Variants in NAV3 observed in about 807,000 individuals in gnomAD.
NAV3 encodes the protein neuron navigator 3.
A neutral mutation model predicts 244.7 loss-of-function variants in NAV3; 87 were observed. The ratio of observed to expected loss-of-function variants is 0.36; its 90% CI spans 0.30 to 0.42. The LOEUF is 0.42. Ranked by LOEUF, NAV3 falls within the 20% of genes least tolerant of loss-of-function variation. The probability of loss-of-function intolerance (pLI) is 1.00; values close to 1 mark genes in which losing one functional copy is unlikely to be tolerated. For missense variants in NAV3, 2,663 were observed against 2,893.3 expected, an observed-to-expected ratio of 0.92 and a Z score of 1.83; for synonymous variants, 1,126 against 1,042.2, an observed-to-expected ratio of 1.08 and a Z score of -1.55.
chr12:77,766,735 G>GTTTTTTTTTTTTTTTT (rs748531378), intron 2 of NAV3, among the ~76,000 whole-genome samples: 15 of 60,512 alleles, frequency 2.5e-4, no homozygotes, highest in South Asian at 8.4e-4. Context: ...AGGCAATTAA[G>GTTTTTTTTTTTTTTTT]TTTTTTTTTT....
intron 1 of NAV3, among the ~76,000 whole-genome samples, chr12:77,871,240 A>C (rs1429016261): frequency 6.6e-6 from 1 of 152,206 alleles, no homozygotes; most frequent in Non-Finnish European, 1.5e-5. Flanking sequence ...TCAGCATATA[A>C]GAAGAAGAAA....
At chr12:77,946,742 A>C (rs1301193893) in intron 3 of NAV3, among the ~76,000 whole-genome samples, 5 of 152,204 alleles carry the variant, frequency 3.3e-5, no homozygotes, top group African/African-American at 9.6e-5. Flanking sequence ...AATTAAAAAT[A>C]GCAAAAATAT....
chr12:77,792,159 A>T lies in NAV3; in HGVS notation c.73-148160A>T, dbSNP rs868505909. Among the ~76,000 whole-genome samples, 3 of 152,284 alleles carry T rather than the reference A, an allele frequency of 2.0e-5. No individual in the cohort carries two copies. In the South Asian group the frequency reaches 6.2e-4, roughly 32 times the overall value. ...ATTCCTCCAAACTGTCTTTTTTAAA[A>T]AACTCTCTGGATTTTTTTAAAAAGC... is the stretch of plus-strand genomic sequence containing the variant. On this transcript the variant is annotated intron_variant, in intron 2 of 8. Coordinates refer to the NAV3 transcript ENST00000550042.
chr12:78,065,155 A>T (rs1412111060), intron 12 of NAV3, among the ~76,000 whole-genome samples: 1 of 151,902 alleles, frequency 6.6e-6, no homozygotes, highest in East Asian at 1.9e-4. Flanking sequence ...AGAGCTGGTG[A>T]TGATACCACC....
Position 77,587,444 on chromosome 12 carries a change from T to G in NAV3, c.72+15178T>G, listed in dbSNP as rs568544900. ...CAATTCATCTGTCACATATACTTAT[T>G]GTTTTCTTGCCAAATGATAAGATCC... On this transcript the variant is annotated intron_variant, in intron 2 of 8. Coordinates refer to the NAV3 transcript ENST00000550042. 9.2e-5 allele frequency among the ~76,000 whole-genome samples: 14 copies of G among 152,312 alleles called. No homozygotes were observed. The South Asian group carries it at 2.7e-3, about 29-fold the overall frequency.
intron 1 of NAV3, among the ~76,000 whole-genome samples, chr12:77,896,116 C>G (rs1438320718): frequency 6.6e-6 from 1 of 152,084 alleles, no homozygotes; most frequent in African/African-American, 2.4e-5. Flanking sequence ...ATACCACTAA[C>G]CACAATCATT....
chr12:77,716,972 T>A (rs1372625151), intron 2 of NAV3, among the ~76,000 whole-genome samples: 1 of 152,038 alleles, frequency 6.6e-6, no homozygotes, highest in African/African-American at 2.4e-5. Flanking sequence ...TAGGAGAGCA[T>A]CATGATTAAA....
intron 2 of NAV3, among the ~76,000 whole-genome samples, chr12:77,628,237 A>G (rs1415925866): frequency 6.6e-6 from 1 of 152,240 alleles, no homozygotes; most frequent in Non-Finnish European, 1.5e-5. Context: ...TATTGTATGC[A>G]GGTATTAAAA....
At chr12:77,628,758 G>A (rs1871750070) in intron 2 of NAV3, among the ~76,000 whole-genome samples, 1 of 151,794 alleles carries the variant, frequency 6.6e-6, no homozygotes, top group Non-Finnish European at 1.5e-5. Context: ...GGGCACGGTG[G>A]AGCATGCTTG....
At chr12:77,788,226 A>C (rs963653717) in intron 2 of NAV3, among the ~76,000 whole-genome samples, 11 of 152,146 alleles carry the variant, frequency 7.2e-5, no homozygotes, top group African/African-American at 2.7e-4. Context: ...TGTATACCTA[A>C]ATTTTTCTTT....
intron 1 of NAV3, among the ~76,000 whole-genome samples, chr12:77,868,767 A>AAAG (rs1555219618): frequency 1.3e-4 from 20 of 150,626 alleles, no homozygotes. Context: ...AAAAAAAAAA[A>AAAG]AAAAGAAAAA....
intron 2 of NAV3, among the ~76,000 whole-genome samples, chr12:77,781,626 C>G (rs1870665358): frequency 6.6e-6 from 1 of 152,180 alleles, no homozygotes; most frequent in Admixed American, 6.6e-5. Context: ...ACCCGACCAC[C>G]TTGGGCACAT....
chr12:77,723,151 A>G (rs780858497), intron 2 of NAV3, among the ~76,000 whole-genome samples: 1 of 152,020 alleles, frequency 6.6e-6, no homozygotes, highest in Non-Finnish European at 1.5e-5. Context: ...AAGAGAGCAC[A>G]TGCTCTCTCC....
At chr12:77,795,627 GTA>G (rs1177521432) in intron 2 of NAV3, among the ~76,000 whole-genome samples, 2 of 152,128 alleles carry the variant, frequency 1.3e-5, no homozygotes, top group Admixed American at 1.3e-4. Context: ...TTATATGGAA[GTA>G]TATGTCATCT....
intron 2 of NAV3, among the ~76,000 whole-genome samples, chr12:77,805,561 G>A (rs541373154): frequency 1.3e-4 from 20 of 152,196 alleles, no homozygotes; most frequent in Admixed American, 5.2e-4. Context: ...CTGCTGGATT[G>A]GGTTTGCCAG....
At chr12:78,120,029 T>G (rs1955602282) in intron 15 of NAV3, 84 bp downstream of exon 15, 1 of 1,005,498 alleles carries the variant, frequency 9.9e-7, no homozygotes, top group South Asian at 1.9e-5. Flanking sequence ...TGTGTGTATA[T>G]ATATATTTTA....
chr12:77,726,996 A>G (rs1876907370), intron 2 of NAV3, among the ~76,000 whole-genome samples: 1 of 151,992 alleles, frequency 6.6e-6, no homozygotes, highest in Non-Finnish European at 1.5e-5. Context: ...GAAACACAAT[A>G]TGCTTCTATT....
chr12:78,025,595 CA>C (rs1186694789), intron 9 of NAV3, among the ~76,000 whole-genome samples: 681 of 55,508 alleles, frequency 0.012, no homozygotes, highest in African/African-American at 0.017. Context: ...GACTCCATCT[CA>C]AAAAAAAAAA....
chr12:77,694,974 G>A (rs117772237), intron 2 of NAV3, among the ~76,000 whole-genome samples: 3,804 of 152,266 alleles, frequency 0.025, 77 homozygotes, highest in South Asian at 0.038. Context: ...CTGGGTGGAG[G>A]ATAATCCTTA....
Sources: allele counts gnomAD v4.1 joint callset (sites outside exome capture counted in the v4.1 genomes callset), GRCh38; gene constraint gnomAD v4.1.1; transcripts MANE v1.5; gene names NCBI Gene and HGNC (gene_info 2026-07-23, HGNC 2026-07-21).